Variants in SLC25A30 observed in about 807,000 individuals in gnomAD.
SLC25A30 encodes the protein kidney mitochondrial carrier protein 1.
A neutral mutation model predicts 42.7 loss-of-function variants in SLC25A30; 29 were observed. The observed-to-expected ratio is 0.68, with a 90% CI of 0.51 to 0.93. SLC25A30 has a LOEUF of 0.93. Ranked by LOEUF, SLC25A30 falls within the 40% of genes least tolerant of loss-of-function variation. The pLI is 0.00. For synonymous variants in SLC25A30, 124 were observed against 131.0 expected (o/e 0.95, Z 0.37); for missense variants, 300 against 359.7 (o/e 0.83, Z 1.34).
the SLC25A30 span, among the ~76,000 whole-genome samples, chr13:45,423,758 A>AAATATATAT: frequency 6.9e-3 from 545 of 78,830 alleles, 74 homozygotes; most frequent in African/African-American, 0.029. Flanking sequence ...AAATATATAT[A>AAATATATAT]AATATATAAA....
intron 5 of SLC25A30, among the ~76,000 whole-genome samples, chr13:45,403,404 A>G (rs1882186668): frequency 1.3e-5 from 2 of 152,224 alleles, no homozygotes; most frequent in South Asian, 4.1e-4. Flanking sequence ...AGATAGAAGC[A>G]TAGAATACTA....
chr13:45,400,047 C>T lies in SLC25A30; in HGVS notation c.615-969G>A, dbSNP rs892144761. ...ATATATATATATACACACACACACACACACACACACACACACACATATGAA... is the reference window on the plus strand; with the variant it reads ...ATATATATATATACACACACACACATACACACACACACACACACATATGAA... On this transcript the variant is annotated intron_variant, in intron 7 of 9. Coordinates refer to ENST00000519676, the MANE Select transcript of SLC25A30 (RefSeq NM_001010875.4). Among the ~76,000 whole-genome samples, 229 of 94,386 alleles carry T rather than the reference C, an allele frequency of 2.4e-3. 1 individual carries two copies. The highest frequency in any genetic ancestry group is 0.021 in the South Asian group (77 of 3,676). The allele number at this position is 94,386 out of a possible 152,430, so 61.9% of individuals were successfully genotyped here. A position where few individuals can be genotyped will look rare whatever the true frequency, so the allele number is the denominator to read the frequency against.
the SLC25A30 span, among the ~76,000 whole-genome samples, chr13:45,425,565 T>TATATATATACATATATATATAC: frequency 9.7e-6 from 1 of 102,820 alleles, no homozygotes; most frequent in Non-Finnish European, 1.8e-5. Flanking sequence ...TATATATAAA[T>TATATATATACATATATATATAC]ATATATAAGT....
In SLC25A30 at chr13:45,399,094, TG is replaced by T. The variant is rs1475056401; in HGVS notation, c.615-17del. The T allele has an allele frequency of 2.6e-6, 4 of 1,547,966 alleles. No individual in the cohort carries two copies. Among genetic ancestry groups the T allele is most frequent in the East Asian group, 2.3e-5 (1 of 42,974 alleles). Reference sequence around the variant, plus strand: ...GAAGCTTGAGCTATAAAGACACCATTGGAAAAAAAAAAAAAAGTTAACCATC... The same window carrying T: ...GAAGCTTGAGCTATAAAGACACCATTGAAAAAAAAAAAAAAGTTAACCATC... On this transcript the variant is annotated splice_polypyrimidine_tract_variant and intron_variant, in intron 7 of 9. Coordinates refer to ENST00000519676, the MANE Select transcript of SLC25A30 (RefSeq NM_001010875.4).
intron 9 of SLC25A30, chr13:45,396,638 T>C (rs9316136): frequency 0.56 from 86,905 of 154,940 alleles, 25,295 homozygotes; most frequent in African/African-American, 0.69. Context: ...CAGGCGTGGT[T>C]TTATGTGCCT....
chr13:45,424,272 T>TATAAATATAA, the SLC25A30 span, among the ~76,000 whole-genome samples: 22 of 264 alleles, frequency 0.083, 10 homozygotes, highest in Non-Finnish European at 0.3. Flanking sequence ...TATATATAAA[T>TATAAATATAA]ATATAAATAT....
Position 45,405,585 on chromosome 13 carries a change from T to A in SLC25A30, c.307+298A>T, listed in dbSNP as rs78072683. On this transcript the variant is annotated intron_variant, in intron 4 of 9. Transcript: ENST00000519676. ...AAAAATAGATGACAATTCATATGATTTTAGCAAATTTTAAGTTGGATGGAA... is the reference window on the plus strand; with the variant it reads ...AAAAATAGATGACAATTCATATGATATTAGCAAATTTTAAGTTGGATGGAA... Among the ~76,000 whole-genome samples the A allele has an allele frequency of 9.8e-4, 150 of 152,362 alleles. No individual in the cohort carries two copies. The South Asian group carries it at 0.016, about 16-fold the overall frequency.
At chr13:45,396,460 T>C in intron 9 of SLC25A30, 2 of 575,186 alleles carry the variant, frequency 3.5e-6, no homozygotes, top group East Asian at 1.0e-4. Flanking sequence ...TCCTGCTTCA[T>C]CACTCTGCCC....
chr13:45,409,762 T>C (rs1882845260), intron 2 of SLC25A30, among the ~76,000 whole-genome samples: 1 of 152,118 alleles, frequency 6.6e-6, no homozygotes, highest in Non-Finnish European at 1.5e-5. Context: ...TGAGCCGAGA[T>C]CACGTCACCA....
intron 1 of SLC25A30, among the ~76,000 whole-genome samples, chr13:45,413,390 T>C (rs1883190444): frequency 1.3e-5 from 2 of 152,156 alleles, no homozygotes; most frequent in African/African-American, 4.8e-5. Context: ...AATAATTCAT[T>C]TACCACCCAG....
At chr13:45,398,725 T>G in intron 8 of SLC25A30, 1 of 407,710 alleles carries the variant, frequency 2.5e-6, no homozygotes, top group Non-Finnish European at 4.3e-6. Flanking sequence ...ACAGGAAATA[T>G]TTCCTCACCT....
intron 1 of SLC25A30, among the ~76,000 whole-genome samples, chr13:45,415,359 TA>T (rs1313545772): frequency 6.6e-6 from 1 of 152,114 alleles, no homozygotes; most frequent in Non-Finnish European, 1.5e-5. Context: ...CAAGGGCTGT[TA>T]AAAAAATATT....
At chr13:45,408,377 G>GAT (rs1882707204) in intron 3 of SLC25A30, among the ~76,000 whole-genome samples, 1 of 152,176 alleles carries the variant, frequency 6.6e-6, no homozygotes, top group East Asian at 1.9e-4. Context: ...GGGATTGGTG[G>GAT]ATCCATGGCA....
the SLC25A30 span, among the ~76,000 whole-genome samples, chr13:45,425,654 A>G: frequency 3.9e-3 from 424 of 107,786 alleles, 31 homozygotes; most frequent in African/African-American, 0.013. Context: ...ATATATAAGT[A>G]TATATAAATA....
At chr13:45,399,562 A>T (rs1200724752) in intron 7 of SLC25A30, among the ~76,000 whole-genome samples, 2 of 152,200 alleles carry the variant, frequency 1.3e-5, no homozygotes, top group Non-Finnish European at 2.9e-5. Flanking sequence ...AAGAAGAGCC[A>T]TATCTAGAGA....
chr13:45,415,101 C>G (rs1339788862), intron 1 of SLC25A30, among the ~76,000 whole-genome samples: 2 of 152,184 alleles, frequency 1.3e-5, no homozygotes, highest in African/African-American at 4.8e-5. Flanking sequence ...CTTACTTCTC[C>G]TTGCTGCGTT....
chr13:45,426,494 C>G, the SLC25A30 span, among the ~76,000 whole-genome samples: 1 of 152,094 alleles, frequency 6.6e-6, no homozygotes, highest in African/African-American at 2.4e-5. Context: ...CAATGTAGTT[C>G]TTTACAAAAA....
intron 4 of SLC25A30, 37 bp from the exon 5 acceptor site, chr13:45,404,449 T>C: frequency 6.8e-7 from 1 of 1,460,558 alleles, no homozygotes; most frequent in Non-Finnish European, 9.6e-7. Context: ...TCTACATATT[T>C]AGAGTTCTTC....
At chr13:45,404,932 T>C (rs905526159) in intron 4 of SLC25A30, among the ~76,000 whole-genome samples, 3 of 152,226 alleles carry the variant, frequency 2.0e-5, no homozygotes, top group African/African-American at 7.2e-5. Flanking sequence ...ATTTTATTTT[T>C]TTTCTCTTGA....
Sources: allele counts gnomAD v4.1 joint callset (sites outside exome capture counted in the v4.1 genomes callset), GRCh38; gene constraint gnomAD v4.1.1; transcripts MANE v1.5; gene names NCBI Gene and HGNC (gene_info 2026-07-23, HGNC 2026-07-21).